The following MCHR2 variants were observed in gnomAD, a reference collection of about 807,000 sequenced individuals.
MCHR2 encodes the protein melanin-concentrating hormone receptor 2.
In MCHR2, 15 loss-of-function variants were observed where a neutral mutation model predicts 24.8. The observed-to-expected ratio is 0.60, with a 90% CI of 0.40 to 0.93. The LOEUF is 0.93. Ranked by LOEUF, MCHR2 falls within the 40% of genes least tolerant of loss-of-function variation. MCHR2 has a pLI of 0.00. For synonymous variants in MCHR2, 151 were observed against 147.6 expected, an observed-to-expected ratio of 1.02 and a Z score of -0.17; for missense variants, 386 against 408.7, an observed-to-expected ratio of 0.94 and a Z score of 0.48.
chr6:99,961,553 G>T (rs1775188528), intron 1 of MCHR2, among the ~76,000 whole-genome samples: 1 of 152,148 alleles, frequency 6.6e-6, no homozygotes, highest in Admixed American at 6.6e-5. Context: ...CATGTCCTTT[G>T]CGGGGACATG....
Position 99,934,408 on chromosome 6 carries a change from C to T in MCHR2, c.697G>A (p.Asp233Asn). 6.3e-7 allele frequency: 1 copy of T among 1,590,766 alleles called. No individual in the cohort carries two copies. The highest frequency in any genetic ancestry group is 2.3e-5 in the East Asian group (1 of 43,904). ...YTWEMYQQNK[D>N]ARCCNPSVPK... ...AAGGCAAACACTTACCATCTGGCAT[C>T]CTTATTCTGTTGATACATCTCCCAA... The change falls in exon 5 of 6, where the codon GAT (aspartate) becomes AAT (asparagine). Residue 233 changes from aspartate (D) to asparagine (N), a missense_variant. By Grantham distance (23) the Asp-to-Asn change is conservative. Coordinates refer to ENST00000281806, the MANE Select transcript of MCHR2 (RefSeq NM_001040179.2).
At chr6:99,983,513 A>G (rs1775714104) in intron 1 of MCHR2, among the ~76,000 whole-genome samples, 1 of 152,190 alleles carries the variant, frequency 6.6e-6, no homozygotes, top group Non-Finnish European at 1.5e-5. Flanking sequence ...GTTGTTCCCC[A>G]AAAAAGAATT....
At chr6:99,930,455 C>T (rs1038734970) in intron 5 of MCHR2, among the ~76,000 whole-genome samples, 3 of 152,318 alleles carry the variant, frequency 2.0e-5, no homozygotes, top group East Asian at 3.9e-4. Flanking sequence ...GTTCCATTCT[C>T]CCTGTCACTT....
In MCHR2 at chr6:99,947,767, C is replaced by A. The variant is rs1282585816; in HGVS notation, c.387G>T (p.Val129=). 1.2e-6 allele frequency: 2 copies of A among 1,613,370 alleles called. No individual in the cohort carries two copies. The highest frequency in any genetic ancestry group is 1.7e-6 in the Non-Finnish European group (2 of 1,179,580). Residue 129 remains valine (V), a synonymous_variant, in exon 3 of 6, where the codon GTG becomes GTT. Coordinates refer to ENST00000281806, the MANE Select transcript of MCHR2 (RefSeq NM_001040179.2). ...ACSAIMTVMS[V]DRYFALVQPF... The stretch of plus-strand genomic sequence containing the variant: ...TTTCAAAGTCTTTCACTTACCTGTC[C>A]ACACTCATTACAGTCATGATGGCAC...
intron 1 of MCHR2, among the ~76,000 whole-genome samples, chr6:99,969,706 T>TC (rs1015413230): frequency 1.1e-5 from 1 of 87,652 alleles, no homozygotes; most frequent in Admixed American, 1.4e-4. Flanking sequence ...CTCCTATCCC[T>TC]CCCCCCTCCC....
chr6:99,939,478 T>C (rs1449354804), intron 4 of MCHR2, among the ~76,000 whole-genome samples: 1 of 152,142 alleles, frequency 6.6e-6, no homozygotes, highest in Non-Finnish European at 1.5e-5. Context: ...TCCATTCCCC[T>C]ACATTTTAAC....
At chr6:99,989,999 T>C (rs1775839466) in intron 1 of MCHR2, among the ~76,000 whole-genome samples, 1 of 152,160 alleles carries the variant, frequency 6.6e-6, no homozygotes, top group African/African-American at 2.4e-5. Context: ...CTTTTTACAT[T>C]TCTAAGATTA....
At chr6:99,985,474 CA>C (rs1433249997) in intron 1 of MCHR2, among the ~76,000 whole-genome samples, 1 of 152,094 alleles carries the variant, frequency 6.6e-6, no homozygotes. Context: ...GGCGTAAAAA[CA>C]GACACACAGA....
At chr6:99,989,763 C>G (rs1775833910) in intron 1 of MCHR2, among the ~76,000 whole-genome samples, 1 of 152,116 alleles carries the variant, frequency 6.6e-6, no homozygotes, top group African/African-American at 2.4e-5. Context: ...AAACAACAAA[C>G]TGTACTCACC....
chr6:99,972,772 C>T (rs1032074572), intron 1 of MCHR2, among the ~76,000 whole-genome samples: 5 of 151,940 alleles, frequency 3.3e-5, no homozygotes, highest in African/African-American at 9.7e-5. Context: ...TCTTTGTTCT[C>T]GTTGGTTTCA....
At chr6:99,958,904 T>A (rs1054749202) in intron 1 of MCHR2, among the ~76,000 whole-genome samples, 1 of 152,176 alleles carries the variant, frequency 6.6e-6, no homozygotes, top group African/African-American at 2.4e-5. Context: ...TATCTCAGTG[T>A]ACTGCCAGGG....
At chr6:99,926,001 C>T (rs888577725) in intron 5 of MCHR2, among the ~76,000 whole-genome samples, 5 of 151,822 alleles carry the variant, frequency 3.3e-5, no homozygotes, top group Non-Finnish European at 7.4e-5. Context: ...CACCCCACAA[C>T]AGTCCCCAGA....
At position 99,920,595 on chromosome 6, in the gene MCHR2, G is replaced by A. The variant is rs1203657224; in HGVS notation, c.*345C>T. The A allele has an allele frequency of 4.2e-6, 1 of 239,092 alleles. No homozygotes were observed. Among genetic ancestry groups the A allele is most frequent in the Non-Finnish European group, 8.3e-6 (1 of 120,990 alleles). 14.8% of individuals were successfully genotyped at this position (239,092 alleles called of 1,614,324 possible). A position where few individuals can be genotyped will look rare whatever the true frequency, so the allele number is the denominator to read the frequency against. ...ACTGTTACAGTGAGGCCACAGTGTG[G>A]AGGGCAAGGTCAGGTTCCTTGGTGA... On this transcript the variant is annotated 3_prime_UTR_variant, in exon 6 of 6. Coordinates refer to ENST00000281806, the MANE Select transcript of MCHR2 (RefSeq NM_001040179.2).
chr6:99,946,702 A>T (rs374359847), intron 3 of MCHR2, among the ~76,000 whole-genome samples: 3 of 152,144 alleles, frequency 2.0e-5, no homozygotes, highest in African/African-American at 4.8e-5. Flanking sequence ...ACACACACAC[A>T]CGTGATTTAT....
chr6:99,926,615 T>A (rs1442739971), intron 5 of MCHR2, among the ~76,000 whole-genome samples: 1 of 152,274 alleles, frequency 6.6e-6, no homozygotes, highest in Non-Finnish European at 1.5e-5. Flanking sequence ...ATGTGTTTTT[T>A]TGGCTGCATA....
At chr6:99,928,531 T>C (rs1276878847) in intron 5 of MCHR2, among the ~76,000 whole-genome samples, 2 of 152,186 alleles carry the variant, frequency 1.3e-5, no homozygotes, top group Non-Finnish European at 1.5e-5. Flanking sequence ...TATTGGTCTA[T>C]TCAGAGATTC....
chr6:99,970,354 T>G (rs1775382300), intron 1 of MCHR2, among the ~76,000 whole-genome samples: 1 of 152,220 alleles, frequency 6.6e-6, no homozygotes, highest in African/African-American at 2.4e-5. Context: ...TGCATAAATA[T>G]CTTCTTTTGA....
At chr6:99,987,179 C>A (rs2114597147) in intron 1 of MCHR2, among the ~76,000 whole-genome samples, 1 of 152,044 alleles carries the variant, frequency 6.6e-6, no homozygotes, top group African/African-American at 2.4e-5. Flanking sequence ...CGGCTCACTG[C>A]AACCTCTGCC....
chr6:99,985,347 CA>C (rs375406428), intron 1 of MCHR2, among the ~76,000 whole-genome samples: 1 of 151,784 alleles, frequency 6.6e-6, no homozygotes, highest in East Asian at 1.9e-4. Context: ...CATATGAAAC[CA>C]AAAAAGAGTC....
Sources: allele counts gnomAD v4.1 joint callset (sites outside exome capture counted in the v4.1 genomes callset), GRCh38; gene constraint gnomAD v4.1.1; transcripts MANE v1.5; gene names NCBI Gene and HGNC (gene_info 2026-07-23, HGNC 2026-07-21).